The following CORIN variants were observed in gnomAD, a reference collection of about 807,000 sequenced individuals.
CORIN encodes atrial natriuretic peptide-converting enzyme.
Under a neutral mutation model 125.3 loss-of-function variants are expected in CORIN, and 117 were observed. The observed-to-expected ratio is 0.93, with a 90% confidence interval of 0.80 to 1.09. CORIN has a LOEUF of 1.09. CORIN is among the 50% of genes least tolerant of loss of function. The pLI, the probability that CORIN is intolerant of heterozygous loss-of-function variation, is 0.00. For synonymous variants in CORIN, 450 were observed against 466.4 expected, an observed-to-expected ratio of 0.96 and a Z score of 0.45; for missense variants, 1,253 against 1,306.7, an observed-to-expected ratio of 0.96 and a Z score of 0.63.
At chr4:47,658,817 C>T (rs559281120) in intron 12 of CORIN, among the ~76,000 whole-genome samples, 80 of 152,316 alleles carry the variant, frequency 5.3e-4, no homozygotes, top group Non-Finnish European at 7.9e-4. Context: ...ACTGAAAAAG[C>T]TTTTTGTTTC....
intron 10 of CORIN, among the ~76,000 whole-genome samples, chr4:47,669,498 G>A (rs559512106): frequency 1.2e-3 from 182 of 151,170 alleles, no homozygotes; most frequent in Non-Finnish European, 2.1e-3. Flanking sequence ...GGCAGACACC[G>A]CAGAAACCTT....
intron 3 of CORIN, among the ~76,000 whole-genome samples, chr4:47,775,259 T>G (rs2109894988): frequency 6.6e-6 from 1 of 152,232 alleles, no homozygotes; most frequent in South Asian, 2.1e-4. Context: ...AGGGTACATG[T>G]GCACAACGTA....
intron 10 of CORIN, among the ~76,000 whole-genome samples, chr4:47,673,631 C>T (rs930955499): frequency 1.3e-5 from 2 of 152,150 alleles, no homozygotes; most frequent in South Asian, 2.1e-4. Flanking sequence ...CCCCAAATAA[C>T]TCCTCCTCCT....
chr4:47,605,518 G>A lies in CORIN; in HGVS notation c.2541-1850C>T, dbSNP rs530726072. Among the ~76,000 whole-genome samples, 21 of 152,256 alleles carry A rather than the reference G, an allele frequency of 1.4e-4. No individual in the cohort carries two copies. The East Asian group carries it at 2.1e-3, about 15-fold the overall frequency. Reference sequence around the variant, plus strand: ...ATGTGGACATTTATTGGACCACATTGTTGGGGCAAGGGTAGAGCTTTAATT... The same window carrying A: ...ATGTGGACATTTATTGGACCACATTATTGGGGCAAGGGTAGAGCTTTAATT... On this transcript the variant is annotated intron_variant, in intron 19 of 21. Coordinates refer to ENST00000273857, the MANE Select transcript of CORIN (RefSeq NM_006587.4).
chr4:47,650,979 TACC>T (rs1723709127), intron 13 of CORIN, among the ~76,000 whole-genome samples: 1 of 152,248 alleles, frequency 6.6e-6, no homozygotes, highest in Non-Finnish European at 1.5e-5. Flanking sequence ...AGCAAAAATC[TACC>T]ACAAGAGCTG....
chr4:47,837,865 G>C, intron 1 of CORIN, 22 bp downstream of exon 1: 1 of 1,607,288 alleles, frequency 6.2e-7, no homozygotes. Context: ...GCTGCGGTAG[G>C]ACAGCGAATC....
Position 47,645,168 on chromosome 4 carries a change from A to T in CORIN, c.1870T>A (p.Cys624Ser). The T allele has an allele frequency of 6.2e-7, 1 of 1,609,054 alleles. No individual in the cohort carries two copies. The highest frequency in any genetic ancestry group is 8.5e-7 in the Non-Finnish European group (1 of 1,175,942). Reference sequence around the variant, plus strand: ...TTCAAACATTGTTTATTGGATGGACATTCCCAAAGATCTCTCTCTTTACAA... The same window carrying T: ...TTCAAACATTGTTTATTGGATGGACTTTCCCAAAGATCTCTCTCTTTACAA... ...CGCKERDLWE[C>S]PSNKQCLKHT... The change falls in exon 14 of 22, where the codon TGT (cysteine) becomes AGT (serine). Residue 624 changes from cysteine to serine, a missense_variant. Transcript: ENST00000273857.
chr4:47,677,854 T>G, intron 9 of CORIN, 84 bp downstream of exon 9: 2 of 967,180 alleles, frequency 2.1e-6, no homozygotes, highest in Admixed American at 3.5e-5. Context: ...GGAATCCTAC[T>G]TAAGCAACTT....
intron 2 of CORIN, chr4:47,790,227 A>G (rs950072681): frequency 2.0e-6 from 2 of 985,120 alleles, no homozygotes; most frequent in African/African-American, 3.5e-5. Context: ...ATACCTCTTC[A>G]TGGGGCTGGC....
chr4:47,767,939 G>C (rs1729835357), intron 3 of CORIN, among the ~76,000 whole-genome samples: 2 of 152,174 alleles, frequency 1.3e-5, no homozygotes, highest in African/African-American at 4.8e-5. Flanking sequence ...AGGCCTCTGA[G>C]CCCAAGCTAA....
At chr4:47,761,987 C>A (rs1027276700) in intron 4 of CORIN, among the ~76,000 whole-genome samples, 3 of 151,446 alleles carry the variant, frequency 2.0e-5, no homozygotes, top group Non-Finnish European at 4.4e-5. Flanking sequence ...TATATACACA[C>A]AAATATATAC....
chr4:47,665,186 G>A lies in CORIN; in HGVS notation c.1435C>T (p.His479Tyr). 6.2e-7 allele frequency: 1 copy of A among 1,613,960 alleles called. No individual in the cohort carries two copies. The highest frequency in any genetic ancestry group is 1.7e-5 in the Admixed American group (1 of 60,008). ...NSTSYPNYFG[H>Y]RTQKEASISW... ...ATGGATGCTTCCTTTTGAGTCCTGT[G>A]GCCAAAATAATTTGGATAACTTGTA... Residue 479 changes from histidine to tyrosine, a missense_variant, in exon 11 of 22, where the codon CAC becomes TAC. By Grantham distance (83) the His-to-Tyr change is moderately conservative (BLOSUM62 2). Coordinates refer to ENST00000273857, the MANE Select transcript of CORIN (RefSeq NM_006587.4).
intron 6 of CORIN, among the ~76,000 whole-genome samples, chr4:47,689,048 T>A (rs114820056): frequency 1.4e-3 from 210 of 152,300 alleles, no homozygotes; most frequent in African/African-American, 4.7e-3. Context: ...TTTAAAATTG[T>A]TGTGCATATT....
intron 20 of CORIN, among the ~76,000 whole-genome samples, chr4:47,603,149 G>T (rs890303861): frequency 7.9e-5 from 12 of 152,126 alleles, no homozygotes; most frequent in Admixed American, 2.0e-4. Flanking sequence ...TTACCCTCTT[G>T]ATAGTGAGTT....
intron 1 of CORIN, among the ~76,000 whole-genome samples, chr4:47,815,750 A>G (rs989261342): frequency 7.3e-5 from 11 of 150,892 alleles, no homozygotes; most frequent in Admixed American, 6.6e-4. Context: ...ATACGGGGGG[A>G]AAGAGAGTTG....
At chr4:47,767,028 A>G (rs1729787065) in intron 3 of CORIN, among the ~76,000 whole-genome samples, 1 of 151,778 alleles carries the variant, frequency 6.6e-6, no homozygotes, top group Admixed American at 6.6e-5. Context: ...CTGACATTTC[A>G]CCAAAAAAAG....
chr4:47,619,123 A>G (rs1722199595), intron 19 of CORIN, among the ~76,000 whole-genome samples: 1 of 152,226 alleles, frequency 6.6e-6, no homozygotes, highest in Non-Finnish European at 1.5e-5. Flanking sequence ...ATTGCTTGCT[A>G]AATTACCCAT....
chr4:47,597,951 TGACTTC>T lies in CORIN; in HGVS notation c.2947-2054_2947-2049del, dbSNP rs201254786. ...AAGAGGAGGTCAAAGGAATGAGTGATGACTTCCAGGTGGAGAGGAATAAAAAATGCC... is the reference window on the plus strand; with the variant it reads ...AAGAGGAGGTCAAAGGAATGAGTGATCAGGTGGAGAGGAATAAAAAATGCC... On this transcript the variant is annotated intron_variant, in intron 21 of 21. Coordinates refer to ENST00000273857, the MANE Select transcript of CORIN (RefSeq NM_006587.4). 5.6e-3 allele frequency among the ~76,000 whole-genome samples: 855 copies of T among 152,302 alleles called. 11 individuals carry two copies. Among genetic ancestry groups the T allele is most frequent in the African/African-American group, 0.02 (821 of 41,570 alleles).
intron 3 of CORIN, among the ~76,000 whole-genome samples, chr4:47,774,137 A>G (rs1228234569): frequency 6.6e-6 from 1 of 152,198 alleles, no homozygotes; most frequent in Non-Finnish European, 1.5e-5. Flanking sequence ...TTTAAAATAA[A>G]TTTTTAAAAG....
Sources: gnomAD v4.1 joint callset for allele counts (sites outside exome capture counted in the v4.1 genomes callset) on GRCh38, gnomAD v4.1.1 for gene constraint, MANE v1.5 for transcripts, NCBI Gene and HGNC (gene_info 2026-07-23, HGNC 2026-07-21) for gene names.